The following ANK2 variants were observed in gnomAD, a reference collection of about 807,000 sequenced individuals.
ANK2 encodes ankyrin 2.
In ANK2, 83 loss-of-function variants were observed where a neutral mutation model predicts 360.5. The ratio of observed to expected loss-of-function variants is 0.23; its 90% confidence interval spans 0.19 to 0.28. ANK2 has a LOEUF of 0.28. ANK2 is among the 10% of genes least tolerant of loss of function. The pLI, the probability that ANK2 is intolerant of heterozygous loss-of-function variation, is 1.00. For missense variants in ANK2, 4,201 were observed against 4,795.7 expected, an observed-to-expected ratio of 0.88 and a Z score of 3.66; for synonymous variants, 1,740 against 1,759.5, an observed-to-expected ratio of 0.99 and a Z score of 0.28.
chr4:113,348,064 C>T, intron 35 of ANK2: 1 of 579,394 alleles, frequency 1.7e-6, no homozygotes, highest in Non-Finnish European at 3.1e-6. Context: ...GTTCTTTTGT[C>T]TCTTGAATCT....
At position 113,336,630 on chromosome 4, in the gene ANK2, C is replaced by G. The variant is rs2093580373; in HGVS notation, c.3645C>G (p.Thr1215=). Residue 1215 remains threonine, a synonymous_variant, in exon 31 of 46, where the codon ACC becomes ACG. Coordinates refer to ENST00000357077, the MANE Select transcript of ANK2 (RefSeq NM_001148.6). ...LVKKILGNKA[T]FSPIVTLEPR... is the part of the protein sequence containing the mutation. ...AGAAGATCCTAGGCAACAAAGCTAC[C>G]TTCAGCCCTATAGTCACTTTGGAAC... 6.2e-7 allele frequency: 1 copy of G among 1,613,990 alleles called. No homozygotes were observed. Among genetic ancestry groups the G allele is most frequent in the South Asian group, 1.1e-5 (1 of 91,086 alleles).
chr4:112,974,530 T>C (rs1397879148), intron 2 of ANK2, among the ~76,000 whole-genome samples: 2 of 152,178 alleles, frequency 1.3e-5, no homozygotes, highest in African/African-American at 4.8e-5. Context: ...AGAGATAATA[T>C]AGTTGAACTT....
intron 26 of ANK2, among the ~76,000 whole-genome samples, chr4:113,328,811 A>G (rs916309742): frequency 1.3e-5 from 2 of 152,230 alleles, no homozygotes; most frequent in African/African-American, 4.8e-5. Context: ...TCTGTTTAAT[A>G]GCATGTTTAA....
At chr4:112,954,225 C>CCCTCCCTT (rs1490626714) in intron 2 of ANK2, among the ~76,000 whole-genome samples, 1 of 127,120 alleles carries the variant, frequency 7.9e-6, no homozygotes, top group Non-Finnish European at 1.6e-5. Context: ...ATCCCTCCCT[C>CCCTCCCTT]CCTCCCTTCC....
At chr4:112,863,514 C>CTTTTTTT (rs952398354) in intron 1 of ANK2, among the ~76,000 whole-genome samples, 3 of 106,988 alleles carry the variant, frequency 2.8e-5, no homozygotes, top group Non-Finnish European at 3.8e-5. Context: ...TTTAGAGTAT[C>CTTTTTTT]TTTTTTTTTT....
chr4:113,281,315 A>G (rs2062228636), intron 17 of ANK2, among the ~76,000 whole-genome samples: 1 of 152,100 alleles, frequency 6.6e-6, no homozygotes, highest in Non-Finnish European at 1.5e-5. Context: ...AGGTGGGCAG[A>G]TCGCTTGAGC....
intron 1 of ANK2, chr4:113,145,571 C>T: frequency 9.8e-7 from 1 of 1,018,560 alleles, no homozygotes; most frequent in Non-Finnish European, 1.2e-6. Flanking sequence ...TCTGCCTCAC[C>T]CCCCTCACTC....
the ANK2 span, among the ~76,000 whole-genome samples, chr4:112,724,877 T>C: frequency 6.6e-6 from 1 of 152,204 alleles, no homozygotes; most frequent in Non-Finnish European, 1.5e-5. Flanking sequence ...TGTCCACTCA[T>C]GTTCACAGCA....
intron 20 of ANK2, among the ~76,000 whole-genome samples, chr4:113,291,988 C>T (rs572604179): frequency 6.6e-6 from 1 of 152,226 alleles, no homozygotes; most frequent in Admixed American, 6.5e-5. Flanking sequence ...TTATATGACC[C>T]TCTGCAACCT....
intron 4 of ANK2, among the ~76,000 whole-genome samples, chr4:113,228,299 C>T (rs544843261): frequency 6.6e-6 from 1 of 152,278 alleles, no homozygotes; most frequent in African/African-American, 2.4e-5. Flanking sequence ...GGGCAGTATA[C>T]ACTGTGCCCA....
At chr4:113,252,844 C>T (rs2047198634) in intron 10 of ANK2, among the ~76,000 whole-genome samples, 1 of 152,190 alleles carries the variant, frequency 6.6e-6, no homozygotes, top group Non-Finnish European at 1.5e-5. Context: ...AGGAAACACC[C>T]AGCCACACTA....
intron 24 of ANK2, chr4:113,317,381 T>C: frequency 2.6e-6 from 1 of 379,340 alleles, no homozygotes; most frequent in South Asian, 2.4e-5. Flanking sequence ...AATTATTTCC[T>C]GAGTGAATTT....
intron 2 of ANK2, among the ~76,000 whole-genome samples, chr4:113,013,425 G>T (rs959078183): frequency 6.6e-6 from 1 of 152,030 alleles, no homozygotes; most frequent in African/African-American, 2.4e-5. Flanking sequence ...ATTATTTTTG[G>T]TTTATATATT....
At chr4:113,164,314 T>C (rs574405679) in intron 1 of ANK2, among the ~76,000 whole-genome samples, 29 of 152,342 alleles carry the variant, frequency 1.9e-4, no homozygotes, top group African/African-American at 6.7e-4. Flanking sequence ...TGCATCTTCA[T>C]GGGGCCACAC....
In ANK2 at chr4:113,311,408, TA is replaced by T; in HGVS notation, c.2693+13del. On this transcript the variant is annotated intron_variant, in intron 24 of 45. Transcript: ENST00000357077. ...GGAGGACGATCTGACAGGTATCTCA[TA>T]AAACTTATAATTGATGTCAGCCAGA... 1.2e-6 allele frequency: 2 copies of T among 1,614,070 alleles called. No homozygotes were observed. Among genetic ancestry groups the T allele is most frequent in the Non-Finnish European group, 1.7e-6 (2 of 1,179,996 alleles).
At chr4:113,351,739 G>A (rs35398949) in intron 37 of ANK2, among the ~76,000 whole-genome samples, 11,496 of 151,776 alleles carry the variant, frequency 0.076, 616 homozygotes, top group Middle Eastern at 0.17. Flanking sequence ...AAAAAAAAAT[G>A]TTACCATGTT....
upstream of ANK2, among the ~76,000 whole-genome samples, chr4:112,817,473 T>C (rs750393939): frequency 1.3e-5 from 2 of 152,186 alleles, no homozygotes; most frequent in Non-Finnish European, 2.9e-5. Flanking sequence ...GGTCTGTACA[T>C]CTATTTCTGT....
At chr4:113,016,411 A>G (rs1242183740) in intron 2 of ANK2, among the ~76,000 whole-genome samples, 3 of 152,160 alleles carry the variant, frequency 2.0e-5, no homozygotes, top group Non-Finnish European at 4.4e-5. Context: ...ATACTGATGC[A>G]AGACAGTTTT....
At chr4:113,105,291 G>T (rs2093474033) in intron 1 of ANK2, among the ~76,000 whole-genome samples, 1 of 152,092 alleles carries the variant, frequency 6.6e-6, no homozygotes. Context: ...AATTGTAAAA[G>T]AATTCCTTAA....
Sources: allele counts gnomAD v4.1 joint callset (sites outside exome capture counted in the v4.1 genomes callset), GRCh38; gene constraint gnomAD v4.1.1; transcripts MANE v1.5; gene names NCBI Gene and HGNC (gene_info 2026-07-23, HGNC 2026-07-21).